Variants in ANO2 observed in about 807,000 individuals in gnomAD.
The protein encoded by ANO2 is anoctamin 2, also known as anoctamin-2.
In ANO2, 101 loss-of-function variants were observed where a neutral mutation model predicts 124.2. The observed-to-expected ratio is 0.81, with a 90% CI of 0.69 to 0.96. The LOEUF is 0.96. Among genes scored for constraint, ANO2 ranks in the 40% least tolerant of loss-of-function variants. The pLI is 0.00. For missense variants in ANO2, 1,293 were observed against 1,274.5 expected, an observed-to-expected ratio of 1.01 and a Z score of -0.22; for synonymous variants, 486 against 482.5, an observed-to-expected ratio of 1.01 and a Z score of -0.09.
chr12:5,905,476 G>A (rs1454994569), intron 3 of ANO2, among the ~76,000 whole-genome samples: 3 of 152,110 alleles, frequency 2.0e-5, no homozygotes, highest in African/African-American at 7.2e-5. Context: ...AGAGAGGGAG[G>A]GGCCCAAGAT....
At chr12:5,916,735 AC>A (rs60170288) in intron 3 of ANO2, among the ~76,000 whole-genome samples, 53,393 of 125,490 alleles carry the variant, frequency 0.43, 11,439 homozygotes, top group East Asian at 0.8. Context: ...AAAAAAAAAA[AC>A]AAAACACTGT....
chr12:5,791,803 A>G (rs947485815), intron 10 of ANO2, among the ~76,000 whole-genome samples: 8 of 152,192 alleles, frequency 5.3e-5, no homozygotes, highest in Non-Finnish European at 1.2e-4. Flanking sequence ...ATTTACAGTA[A>G]TACAATATGA....
intron 7 of ANO2, among the ~76,000 whole-genome samples, chr12:5,823,837 C>T (rs546825513): frequency 3.9e-5 from 6 of 152,376 alleles, no homozygotes; most frequent in African/African-American, 4.8e-5. Flanking sequence ...CACATCCAGG[C>T]GTTTCCATAC....
intron 10 of ANO2, among the ~76,000 whole-genome samples, chr12:5,774,592 A>G (rs1952174143): frequency 6.6e-6 from 1 of 152,258 alleles, no homozygotes. Context: ...GCCTTGGTAC[A>G]AAGCACATCC....
chr12:5,665,107 AT>A (rs1947634312), intron 14 of ANO2, among the ~76,000 whole-genome samples: 1 of 151,908 alleles, frequency 6.6e-6, no homozygotes, highest in Non-Finnish European at 1.5e-5. Flanking sequence ...CTTCTTCCAC[AT>A]GCCCTTCAGC....
intron 20 of ANO2, among the ~76,000 whole-genome samples, chr12:5,597,923 T>C (rs776569083): frequency 7.2e-5 from 11 of 152,148 alleles, no homozygotes; most frequent in Non-Finnish European, 1.5e-4. Context: ...TTAAACCAGG[T>C]CTTGATATTT....
intron 1 of ANO2, among the ~76,000 whole-genome samples, chr12:5,941,668 TA>T (rs58071581): frequency 1.4e-3 from 204 of 145,844 alleles, no homozygotes; most frequent in African/African-American, 4.0e-3. Context: ...AAACTCAAGT[TA>T]AAAAAAAAAA....
At chr12:5,585,155 C>A (rs950344608) in intron 20 of ANO2, among the ~76,000 whole-genome samples, 5 of 151,792 alleles carry the variant, frequency 3.3e-5, no homozygotes, top group Non-Finnish European at 7.4e-5. Flanking sequence ...CTGGGCTCCA[C>A]GTGAAGAACA....
chr12:5,771,318 G>C (rs1365655825), intron 10 of ANO2, among the ~76,000 whole-genome samples: 1 of 152,072 alleles, frequency 6.6e-6, no homozygotes, highest in Non-Finnish European at 1.5e-5. Context: ...CTAATGAGAA[G>C]AATTCAGACT....
chr12:5,902,214 T>C (rs1051485459), intron 3 of ANO2, among the ~76,000 whole-genome samples: 1 of 152,178 alleles, frequency 6.6e-6, no homozygotes, highest in African/African-American at 2.4e-5. Context: ...AGGTTGCTTA[T>C]TCACTTTTTT....
intron 3 of ANO2, among the ~76,000 whole-genome samples, chr12:5,857,187 C>A (rs553428667): frequency 6.6e-5 from 10 of 152,204 alleles, no homozygotes; most frequent in East Asian, 1.9e-4. Context: ...TTTCCTTGTC[C>A]CCCAGGCCAC....
intron 3 of ANO2, among the ~76,000 whole-genome samples, chr12:5,891,221 A>G (rs764072302): frequency 2.0e-5 from 3 of 152,312 alleles, no homozygotes; most frequent in Middle Eastern, 3.4e-3. Flanking sequence ...CTGGCTTTAG[A>G]AAAAGAAAGT....
intron 23 of ANO2, 125 bp downstream of exon 23, chr12:5,575,709 A>G: frequency 9.4e-7 from 1 of 1,062,696 alleles, no homozygotes. Context: ...ATCGCCATAT[A>G]TGTGGTCTGC....
intron 7 of ANO2, among the ~76,000 whole-genome samples, chr12:5,822,894 C>A (rs1953849192): frequency 6.6e-6 from 1 of 152,192 alleles, no homozygotes; most frequent in South Asian, 2.1e-4. Flanking sequence ...GCACTTCTTA[C>A]ATGGCAGTGG....
At chr12:5,928,248 G>C (rs1304182457) in intron 1 of ANO2, among the ~76,000 whole-genome samples, 1 of 152,092 alleles carries the variant, frequency 6.6e-6, no homozygotes, top group East Asian at 1.9e-4. Flanking sequence ...CTAACTCCTG[G>C]TGGCTGAAGT....
intron 7 of ANO2, among the ~76,000 whole-genome samples, chr12:5,817,126 T>C (rs1565692911): frequency 6.6e-6 from 1 of 152,218 alleles, no homozygotes; most frequent in Non-Finnish European, 1.5e-5. Context: ...TAGTCTCTAG[T>C]GGCCTTCCAA....
At chr12:5,820,720 C>T (rs1953768723) in intron 7 of ANO2, among the ~76,000 whole-genome samples, 1 of 152,170 alleles carries the variant, frequency 6.6e-6, no homozygotes, top group Admixed American at 6.5e-5. Context: ...GTGGTGATTC[C>T]CACCACATCC....
intron 7 of ANO2, among the ~76,000 whole-genome samples, chr12:5,813,053 G>T (rs1565689141): frequency 1.3e-5 from 1 of 74,152 alleles, no homozygotes; most frequent in Non-Finnish European, 3.5e-5. Flanking sequence ...AAGAAAGAAA[G>T]AGGAAGGAAG....
intron 14 of ANO2, among the ~76,000 whole-genome samples, chr12:5,673,407 G>A (rs184773406): frequency 3.3e-5 from 5 of 152,322 alleles, no homozygotes; most frequent in Admixed American, 3.3e-4. Context: ...CCTCTGGGAA[G>A]CAGTTTGTCC....
Sources: gnomAD v4.1 joint callset for allele counts (sites outside exome capture counted in the v4.1 genomes callset) on GRCh38, gnomAD v4.1.1 for gene constraint, MANE v1.5 for transcripts, NCBI Gene and HGNC (gene_info 2026-07-23, HGNC 2026-07-21) for gene names.